The following LSM14A variants were observed in gnomAD, a reference collection of about 807,000 sequenced individuals.
LSM14A encodes LSM14A mRNA processing body assembly factor, also known as protein LSM14 homolog A.
In LSM14A, 14 loss-of-function variants were observed where a neutral mutation model predicts 52.4. That is an observed-to-expected ratio of 0.27 (90% CI 0.18 to 0.42). The LOEUF is 0.42. LSM14A is among the 10% of genes least tolerant of loss of function. The pLI is 1.00. For synonymous variants in LSM14A, 185 were observed against 200.3 expected (o/e 0.92, Z 0.64); for missense variants, 417 against 581.8 (o/e 0.72, Z 2.91).
chr19:34,173,490 T>C (rs1438479673), intron 1 of LSM14A, among the ~76,000 whole-genome samples: 1 of 152,130 alleles, frequency 6.6e-6, no homozygotes, highest in Non-Finnish European at 1.5e-5. Context: ...TGACCTTTGA[T>C]CCAGGCTCAG....
intron 7 of LSM14A, 32 bp from the exon 8 acceptor site, chr19:34,219,669 CTGTCT>C: frequency 1.9e-6 from 3 of 1,580,908 alleles, no homozygotes; most frequent in Non-Finnish European, 2.6e-6. Context: ...TTCAGATTAG[CTGTCT>C]TGACTTTTCT....
rs1250006087 is a variant in LSM14A, at chr19:34,223,288, A to G, written c.1368+1550A>G. 2.6e-5 allele frequency among the ~76,000 whole-genome samples: 4 copies of G among 151,978 alleles called. No individual in the cohort carries two copies. In the South Asian group the frequency reaches 6.2e-4, roughly 24 times the overall value. ...GTAGACACTGGGTCCCACTCTCACTATGTTGTCCAGGCTGGTCTTGAACTC... is the reference window on the plus strand; with the variant it reads ...GTAGACACTGGGTCCCACTCTCACTGTGTTGTCCAGGCTGGTCTTGAACTC... On this transcript the variant is annotated intron_variant, in intron 9 of 9. Coordinates refer to ENST00000544216, the MANE Select transcript of LSM14A (RefSeq NM_015578.4).
intron 3 of LSM14A, among the ~76,000 whole-genome samples, chr19:34,198,738 G>A (rs1480922161): frequency 2.0e-5 from 3 of 152,218 alleles, no homozygotes; most frequent in Admixed American, 2.0e-4. Context: ...TGTAATCCCA[G>A]CACTTTGGGA....
At chr19:34,182,811 TC>T (rs1053296734) in intron 1 of LSM14A, among the ~76,000 whole-genome samples, 3 of 139,940 alleles carry the variant, frequency 2.1e-5, no homozygotes, top group African/African-American at 8.2e-5. Flanking sequence ...ACCAGTGCAC[TC>T]CAGCCTAAGC....
At chr19:34,208,149 A>T (rs1454704997) in intron 3 of LSM14A, 1 of 152,184 alleles carries the variant, frequency 6.6e-6, no homozygotes, top group African/African-American at 2.4e-5. Context: ...AGAAGGTCTA[A>T]AGCACGATAA....
At chr19:34,198,919 G>A (rs1289891625) in intron 3 of LSM14A, among the ~76,000 whole-genome samples, 5 of 151,704 alleles carry the variant, frequency 3.3e-5, no homozygotes, top group Non-Finnish European at 4.4e-5. Flanking sequence ...CCCAGGAGGC[G>A]GAGCTTGCGG....
rs763797471 is a variant in LSM14A, at chr19:34,227,420, T to G, written c.*32T>G. On this transcript the variant is annotated 3_prime_UTR_variant, in exon 10 of 10. Coordinates refer to ENST00000544216, the MANE Select transcript of LSM14A (RefSeq NM_015578.4). Reference sequence around the variant, plus strand: ...AACAAGTCTCTGAAAATAGGTGAATTTCTAGCTCTTCATGGTCCTGAACAT... The same window carrying G: ...AACAAGTCTCTGAAAATAGGTGAATGTCTAGCTCTTCATGGTCCTGAACAT... The G allele has an allele frequency of 1.6e-5, 25 of 1,538,510 alleles. No individual in the cohort carries two copies. The highest frequency in any genetic ancestry group is 2.1e-5 in the Non-Finnish European group (24 of 1,128,914).
chr19:34,183,945 A>T (rs1210970161), intron 1 of LSM14A, among the ~76,000 whole-genome samples: 1 of 152,160 alleles, frequency 6.6e-6, no homozygotes, highest in Non-Finnish European at 1.5e-5. Context: ...CAGTTTTCTA[A>T]CAATTCCATC....
chr19:34,192,310 CTTTTTGTTGTTTT>C (rs2070439799), intron 1 of LSM14A, among the ~76,000 whole-genome samples: 5 of 51,668 alleles, frequency 9.7e-5, no homozygotes, highest in Admixed American at 9.0e-4. Context: ...AAATAACATT[CTTTTTGTTGTTTT>C]TTTTTTTTTT....
At position 34,196,639 on chromosome 19, in the gene LSM14A, A is replaced by G. The variant is rs1404420063; in HGVS notation, c.291A>G (p.Ser97=). The change falls in exon 3 of 10, where the codon TCA becomes TCG. Residue 97 remains serine, a synonymous_variant. Coordinates refer to ENST00000544216, the MANE Select transcript of LSM14A (RefSeq NM_015578.4). The part of the protein sequence containing the change: ...LPQDPAIVQS[S]LGSSTSSFQS... ...AACTCATGATTTTCCTTCAGTCCTCACTAGGCTCATCGACTTCTTCATTCC... is the reference window on the plus strand; with the variant it reads ...AACTCATGATTTTCCTTCAGTCCTCGCTAGGCTCATCGACTTCTTCATTCC... 6.2e-7 allele frequency: 1 copy of G among 1,609,618 alleles called. No homozygotes were observed. The highest frequency in any genetic ancestry group is 1.1e-5 in the South Asian group (1 of 89,982).
intron 4 of LSM14A, among the ~76,000 whole-genome samples, chr19:34,213,007 A>C (rs973505081): frequency 6.6e-6 from 1 of 152,016 alleles, no homozygotes; most frequent in African/African-American, 2.4e-5. Flanking sequence ...AAAAATTAGC[A>C]AGGTGTGGTA....
At chr19:34,179,140 T>C (rs1299131017) in intron 1 of LSM14A, among the ~76,000 whole-genome samples, 1 of 152,246 alleles carries the variant, frequency 6.6e-6, no homozygotes, top group African/African-American at 2.4e-5. Context: ...AAAGAGACTT[T>C]ATGAAGAACG....
Position 34,192,316 on chromosome 19 carries a change from G to GTTTTTTTTTTTTTTTTTTTTTT in LSM14A, c.122-2160_122-2159insTTTTTTTTTTTTTTTTTTTTTT, listed in dbSNP as rs1306000214. On this transcript the variant is annotated intron_variant, in intron 1 of 9. Transcript: ENST00000544216. ...TTTACACTGAAATAACATTCTTTTTGTTGTTTTTTTTTTTTTTTTTTTTTT... is the reference window on the plus strand; with the variant it reads ...TTTACACTGAAATAACATTCTTTTTGTTTTTTTTTTTTTTTTTTTTTTTTGTTTTTTTTTTTTTTTTTTTTTT... Among the ~76,000 whole-genome samples the GTTTTTTTTTTTTTTTTTTTTTT allele has an allele frequency of 3.6e-4, 24 of 65,772 alleles. 3 individuals carry two copies. The highest frequency in any genetic ancestry group is 6.6e-4 in the Admixed American group (3 of 4,532). The allele number at this position is 65,772 out of a possible 152,430, so 43.1% of individuals were successfully genotyped here. A position where few individuals can be genotyped will look rare whatever the true frequency, so the allele number is the denominator to read the frequency against.
At chr19:34,203,645 C>CA (rs961506115) in intron 3 of LSM14A, among the ~76,000 whole-genome samples, 10 of 150,986 alleles carry the variant, frequency 6.6e-5, no homozygotes, top group Admixed American at 1.3e-4. Flanking sequence ...ACTAAAAATA[C>CA]AAAAAAAATG....
At chr19:34,226,128 C>T (rs1260633) in intron 9 of LSM14A, among the ~76,000 whole-genome samples, 15,278 of 151,890 alleles carry the variant, frequency 0.1, 1,399 homozygotes, top group African/African-American at 0.22. Context: ...TTTTCCCCCT[C>T]CCACCGCCCA....
chr19:34,208,173 A>G (rs2071850511), intron 3 of LSM14A: 1 of 152,246 alleles, frequency 6.6e-6, no homozygotes, highest in South Asian at 2.1e-4. Context: ...TATTACATTT[A>G]TATTTTGTAA....
At position 34,227,825 on chromosome 19, in the gene LSM14A, T is replaced by C. The variant is rs1235876992; in HGVS notation, c.*437T>C. 2 of 150,202 alleles carry C rather than the reference T, an allele frequency of 1.3e-5. No individual in the cohort carries two copies. Among genetic ancestry groups the C allele is most frequent in the Non-Finnish European group, 2.8e-5 (2 of 70,338 alleles). The allele number at this position is 150,202 out of a possible 1,614,324, so 9.3% of individuals were successfully genotyped here. A position where few individuals can be genotyped will look rare whatever the true frequency, so the allele number is the denominator to read the frequency against. On this transcript the variant is annotated 3_prime_UTR_variant, in exon 10 of 10. Transcript: ENST00000544216. ...GTGTGTGTGTGTGTGTGTGTGTGTGTGTGTATGTGTGTGTCTTTTTCCTCC... is the reference window on the plus strand; with the variant it reads ...GTGTGTGTGTGTGTGTGTGTGTGTGCGTGTATGTGTGTGTCTTTTTCCTCC...
chr19:34,207,808 T>C (rs542695456), intron 3 of LSM14A, among the ~76,000 whole-genome samples: 3 of 152,034 alleles, frequency 2.0e-5, no homozygotes, highest in Non-Finnish European at 2.9e-5. Flanking sequence ...GGATTACAGG[T>C]GTGAGCCACT....
At chr19:34,224,612 G>A (rs1262356493) in intron 9 of LSM14A, among the ~76,000 whole-genome samples, 1 of 152,196 alleles carries the variant, frequency 6.6e-6, no homozygotes, top group Non-Finnish European at 1.5e-5. Flanking sequence ...TGTTTAGGAG[G>A]CTCAGTTGTG....
Sources: gnomAD v4.1 joint callset for allele counts (sites outside exome capture counted in the v4.1 genomes callset) on GRCh38, gnomAD v4.1.1 for gene constraint, MANE v1.5 for transcripts, NCBI Gene and HGNC (gene_info 2026-07-23, HGNC 2026-07-21) for gene names.